The following PCBP2 variants were observed in gnomAD, a reference collection of about 807,000 sequenced individuals.
PCBP2 encodes poly(rC) binding protein 2, also known as poly(rC)-binding protein 2.
A neutral mutation model predicts 50.1 loss-of-function variants in PCBP2; 4 were observed. That is an observed-to-expected ratio of 0.08 (90% CI 0.04 to 0.18). The LOEUF (loss-of-function observed/expected upper bound fraction) is 0.18, where lower values mean the gene tolerates loss of function less well. PCBP2 is among the 10% of genes least tolerant of loss of function. The pLI is 1.00. For synonymous variants in PCBP2, 179 were observed against 168.0 expected, an observed-to-expected ratio of 1.07 and a Z score of -0.51; for missense variants, 161 against 474.3, an observed-to-expected ratio of 0.34 and a Z score of 6.14.
chr12:53,481,154 C>A lies in PCBP2; in HGVS notation c.*1712C>A. The A allele has an allele frequency of 1.8e-6, 2 of 1,101,782 alleles. No homozygotes were observed. The highest frequency in any genetic ancestry group is 1.2e-6 in the Non-Finnish European group (1 of 831,858). 68.3% of individuals were successfully genotyped at this position (1,101,782 alleles called of 1,614,324 possible). ...ATATATATAATTTATATAAATATTTCTCTATGTACAAGGAATACGAGTGGC... is the reference window on the plus strand; with the variant it reads ...ATATATATAATTTATATAAATATTTATCTATGTACAAGGAATACGAGTGGC... On this transcript the variant is annotated 3_prime_UTR_variant, in exon 15 of 15. Coordinates refer to ENST00000546463, the MANE Select transcript of PCBP2 (RefSeq NM_031989.5).
At chr12:53,459,488 AGAT>A in intron 6 of PCBP2, 85 bp downstream of exon 6, 2 of 1,251,118 alleles carry the variant, frequency 1.6e-6, no homozygotes, top group Non-Finnish European at 2.2e-6. Flanking sequence ...GTTAGCAATG[AGAT>A]GAAGATTTTT....
At position 53,480,840 on chromosome 12, in the gene PCBP2, C is replaced by G. The variant is rs1425419705; in HGVS notation, c.*1398C>G. The G allele has an allele frequency of 6.6e-6, 1 of 151,928 alleles. No homozygotes were observed. Among genetic ancestry groups the G allele is most frequent in the Non-Finnish European group, 1.5e-5 (1 of 67,998 alleles). 9.4% of individuals were successfully genotyped at this position (151,928 alleles called of 1,614,324 possible). ...GTGGTTTTCTCTCCTGCCCCTCCCA[C>G]CGCCCCTCCCCCCACCCCCTATTAT... On this transcript the variant is annotated 3_prime_UTR_variant, in exon 15 of 15. Transcript: ENST00000546463.
chr12:53,471,758 A>T lies in PCBP2; in HGVS notation c.1003A>T (p.Thr335Ser), dbSNP rs749958932. 23 of 1,613,408 alleles carry T rather than the reference A, an allele frequency of 1.4e-5. No individual in the cohort carries two copies. In the South Asian group the frequency reaches 2.3e-4, roughly 16 times the overall value. Reference sequence around the variant, plus strand: ...ATCTACTGATAGGCAGGTTACCATCACTGGATCTGCTGCCAGCATTAGCCT... The same window carrying T: ...ATCTACTGATAGGCAGGTTACCATCTCTGGATCTGCTGCCAGCATTAGCCT... ...EGSTDRQVTITGSAASISLAQ... is the reference protein window; with the variant it reads ...EGSTDRQVTISGSAASISLAQ... The change falls in exon 14 of 15, where the codon ACT becomes TCT. Residue 335 changes from threonine (T) to serine (S), a missense_variant. Thr to Ser is a moderately conservative substitution (Grantham distance 58). Transcript: ENST00000546463.
intron 11 of PCBP2, 74 bp from the exon 12 acceptor site, chr12:53,467,731 T>C: frequency 8.4e-7 from 1 of 1,192,636 alleles, no homozygotes; most frequent in Admixed American, 2.1e-5. Flanking sequence ...TTGGGGCTTT[T>C]CTGTATAAGG....
chr12:53,476,518 C>T (rs1224064649), intron 14 of PCBP2, among the ~76,000 whole-genome samples: 3 of 152,146 alleles, frequency 2.0e-5, no homozygotes, highest in African/African-American at 7.2e-5. Context: ...TATAAGGCCT[C>T]TGATAGCCTT....
intron 11 of PCBP2, 66 bp from the exon 12 acceptor site, chr12:53,467,739 A>G: frequency 8.0e-7 from 1 of 1,253,356 alleles, no homozygotes; most frequent in Middle Eastern, 2.1e-4. Flanking sequence ...TTTCTGTATA[A>G]GGAATAACTT....
intron 13 of PCBP2, among the ~76,000 whole-genome samples, chr12:53,470,596 G>A (rs1266362078): frequency 6.6e-6 from 1 of 150,802 alleles, no homozygotes; most frequent in Non-Finnish European, 1.5e-5. Flanking sequence ...TTTTTGTAAA[G>A]ACAAGAGTTT....
At chr12:53,478,903 T>G (rs1002148476) in intron 14 of PCBP2, among the ~76,000 whole-genome samples, 15 of 152,114 alleles carry the variant, frequency 9.9e-5, no homozygotes, top group Non-Finnish European at 1.6e-4. Flanking sequence ...CGGTATTACC[T>G]CATAATACCC....
chr12:53,456,372 C>T (rs1025582111), intron 5 of PCBP2, among the ~76,000 whole-genome samples: 4 of 150,902 alleles, frequency 2.7e-5, no homozygotes, highest in Non-Finnish European at 4.4e-5. Flanking sequence ...ATAGGAGAAA[C>T]GCTTGAACCC....
intron 14 of PCBP2, among the ~76,000 whole-genome samples, chr12:53,476,638 C>T (rs908927600): frequency 6.6e-6 from 1 of 151,586 alleles, no homozygotes; most frequent in Non-Finnish European, 1.5e-5. Context: ...TTCCCAGCAT[C>T]ACCATTGGCT....
At chr12:53,463,073 A>T (rs1476018785) in intron 8 of PCBP2, among the ~76,000 whole-genome samples, 3 of 152,090 alleles carry the variant, frequency 2.0e-5, no homozygotes, top group African/African-American at 7.2e-5. Flanking sequence ...TCTTAACCTC[A>T]TAAACACTGG....
chr12:53,478,679 C>CAGTA (rs1486178924), intron 14 of PCBP2, among the ~76,000 whole-genome samples: 1 of 151,800 alleles, frequency 6.6e-6, no homozygotes, highest in Non-Finnish European at 1.5e-5. Flanking sequence ...TGGTGGCTGC[C>CAGTA]AGTAATCCCA....
In PCBP2 at chr12:53,461,134, C is replaced by G; in HGVS notation, c.495C>G (p.Val165=). Residue 165 remains valine (V), a synonymous_variant, in exon 7 of 15, where the codon GTC becomes GTG. Coordinates refer to ENST00000546463, the MANE Select transcript of PCBP2 (RefSeq NM_031989.5). ...AGTGTGTCAAACAGATCTGCGTGGT[C>G]ATGTTGGAGGTAAGCCCTCAGGCTC... ...IIECVKQICV[V]MLESPPKGVT... The G allele has an allele frequency of 6.2e-7, 1 of 1,613,796 alleles. No homozygotes were observed. Among genetic ancestry groups the G allele is most frequent in the Non-Finnish European group, 8.5e-7 (1 of 1,179,852 alleles).
chr12:53,457,150 G>T (rs1269956791), intron 5 of PCBP2, among the ~76,000 whole-genome samples: 1 of 151,994 alleles, frequency 6.6e-6, no homozygotes, highest in African/African-American at 2.4e-5. Flanking sequence ...AGGCTCAAGT[G>T]ATCCTTCTGC....
At chr12:53,472,703 G>T (rs1029933772) in intron 14 of PCBP2, among the ~76,000 whole-genome samples, 2 of 152,160 alleles carry the variant, frequency 1.3e-5, no homozygotes, top group Non-Finnish European at 2.9e-5. Flanking sequence ...ACAGGGGAAA[G>T]GAATTCCTAA....
At chr12:53,465,409 T>C (rs1941748157) in intron 9 of PCBP2, among the ~76,000 whole-genome samples, 1 of 152,120 alleles carries the variant, frequency 6.6e-6, no homozygotes, top group Admixed American at 6.5e-5. Context: ...TCCCTACTGT[T>C]AGGGACTCAG....
intron 6 of PCBP2, 25 bp downstream of exon 6, chr12:53,459,428 A>G: frequency 6.3e-7 from 1 of 1,597,730 alleles, no homozygotes; most frequent in East Asian, 2.3e-5. Context: ...TCGTCCTTTT[A>G]GAAATGTTAA....
At chr12:53,464,895 C>A in intron 9 of PCBP2, 43 bp downstream of exon 9, 1 of 1,551,680 alleles carries the variant, frequency 6.4e-7, no homozygotes, top group South Asian at 1.2e-5. Flanking sequence ...TCAATCCTTC[C>A]GCCTCAGCCG....
intron 5 of PCBP2, among the ~76,000 whole-genome samples, chr12:53,458,929 C>T (rs947306493): frequency 6.6e-6 from 1 of 152,118 alleles, no homozygotes; most frequent in Non-Finnish European, 1.5e-5. Context: ...CTTGAGCTAC[C>T]GTGCCTGGCA....
Sources: allele counts gnomAD v4.1 joint callset (sites outside exome capture counted in the v4.1 genomes callset), GRCh38; gene constraint gnomAD v4.1.1; transcripts MANE v1.5; gene names NCBI Gene and HGNC (gene_info 2026-07-23, HGNC 2026-07-21).